GSE1: variants seen among roughly 807,000 people sequenced by gnomAD.
GSE1 encodes the protein genetic suppressor element 1.
A neutral mutation model predicts 112.6 loss-of-function variants in GSE1; 32 were observed. The observed-to-expected ratio is 0.28, with a 90% confidence interval of 0.21 to 0.38. The LOEUF is 0.38. Among genes scored for constraint, GSE1 ranks in the 10% least tolerant of loss-of-function variants. The pLI is 1.00. For missense variants in GSE1, 2,348 were observed against 1,699.2 expected, an observed-to-expected ratio of 1.38 and a Z score of -6.71; for synonymous variants, 1,115 against 735.6, an observed-to-expected ratio of 1.52 and a Z score of -8.35.
intron 2 of GSE1, among the ~76,000 whole-genome samples, chr16:85,432,577 G>A (rs1324236292): frequency 2.6e-5 from 4 of 152,224 alleles, no homozygotes; most frequent in African/African-American, 4.8e-5. Context: ...GTTGCACGTC[G>A]TGGCAGGTGT....
At chr16:85,331,596 T>C (rs867889454) in intron 1 of GSE1, among the ~76,000 whole-genome samples, 20 of 129,046 alleles carry the variant, frequency 1.5e-4, no homozygotes, top group East Asian at 4.5e-4. Context: ...TATATGTGTA[T>C]ATGTGTATTT....
At chr16:85,391,736 A>T (rs752626047) in intron 2 of GSE1, among the ~76,000 whole-genome samples, 1 of 152,148 alleles carries the variant, frequency 6.6e-6, no homozygotes, top group Non-Finnish European at 1.5e-5. Context: ...GGGGGTGGGG[A>T]CATTATTCAA....
chr16:85,620,960 G>T (rs2048697407), intron 1 of GSE1, among the ~76,000 whole-genome samples: 2 of 151,548 alleles, frequency 1.3e-5, no homozygotes, highest in African/African-American at 4.9e-5. Context: ...TGCTGTGTTG[G>T]GGAACCCGTG....
chr16:85,421,986 G>A (rs1234840965), intron 2 of GSE1, among the ~76,000 whole-genome samples: 2 of 152,134 alleles, frequency 1.3e-5, no homozygotes, highest in African/African-American at 2.4e-5. Flanking sequence ...TGTGATCATT[G>A]TCTTTCCGGG....
chr16:85,654,907 C>G lies in GSE1; in HGVS notation c.713C>G (p.Pro238Arg). 1 of 1,611,852 alleles carries G rather than the reference C, an allele frequency of 6.2e-7. No homozygotes were observed. The highest frequency in any genetic ancestry group is 2.2e-5 in the East Asian group (1 of 44,858). Residue 238 changes from proline (P) to arginine (R), a missense_variant, in exon 5 of 16, where the codon CCC becomes CGC. By Grantham distance (103) the Pro-to-Arg change is moderately radical. Coordinates refer to ENST00000253458, the MANE Select transcript of GSE1 (RefSeq NM_014615.5). ...GACCTCCGCATGTCCTCACTGCCTCCCCTCGGCCTGGACCCGGCCACTGCT... is the reference window on the plus strand; with the variant it reads ...GACCTCCGCATGTCCTCACTGCCTCGCCTCGGCCTGGACCCGGCCACTGCT... ...TDDLRMSSLP[P>R]LGLDPATAAA...
chr16:85,420,571 G>A lies in GSE1; in HGVS notation c.2464+62928G>A, dbSNP rs141735521. Among the ~76,000 whole-genome samples the A allele has an allele frequency of 4.9e-3, 753 of 152,232 alleles. 13 individuals carry two copies. Among genetic ancestry groups the A allele is most frequent in the African/African-American group, 0.017 (715 of 41,526 alleles). On this transcript the variant is annotated intron_variant, in intron 2 of 2. Coordinates refer to the GSE1 transcript ENST00000637419. ...CTCAGGGCCCATGTGCCTCCTTTGT[G>A]TCACCACCATGCGTCCTCCAGTGAC...
At chr16:85,179,585 TC>T (rs1354106843) in intron 1 of GSE1, among the ~76,000 whole-genome samples, 5 of 152,220 alleles carry the variant, frequency 3.3e-5, no homozygotes, top group Admixed American at 3.3e-4. Context: ...TTGGGGGTTT[TC>T]AGCAGGCAAA....
At chr16:85,554,721 C>T (rs1567583505), upstream of GSE1, among the ~76,000 whole-genome samples, 1 of 151,288 alleles carries the variant, frequency 6.6e-6, no homozygotes, top group Non-Finnish European at 1.5e-5. Flanking sequence ...TTTGGGGATT[C>T]TCCTCCCGGG....
chr16:85,231,962 C>T (rs1904290700), intron 1 of GSE1, among the ~76,000 whole-genome samples: 1 of 152,210 alleles, frequency 6.6e-6, no homozygotes, highest in Non-Finnish European at 1.5e-5. Flanking sequence ...TTTCTGACCG[C>T]CATGAATGCC....
chr16:85,250,331 C>T (rs527294546), intron 1 of GSE1, among the ~76,000 whole-genome samples: 4 of 152,354 alleles, frequency 2.6e-5, no homozygotes, highest in South Asian at 2.1e-4. Context: ...CACCCCCTCT[C>T]GCCCAGCCCC....
rs552170198 is a variant in GSE1, at chr16:85,672,569, A to G, written c.*30A>G. ...TTCCCTTGCACTAGGCCGAACCTAT[A>G]GTATAGAAATATTATCTATTTTATT... On this transcript the variant is annotated 3_prime_UTR_variant, in exon 16 of 16. Transcript: ENST00000253458. The G allele has an allele frequency of 2.0e-6, 3 of 1,485,684 alleles. No individual in the cohort carries two copies. Among genetic ancestry groups the G allele is most frequent in the Non-Finnish European group, 2.7e-6 (3 of 1,091,912 alleles). The allele number at this position is 1,485,684 out of a possible 1,614,324, so 92.0% of individuals were successfully genotyped here. A position where few individuals can be genotyped will look rare whatever the true frequency, so the allele number is the denominator to read the frequency against.
intron 1 of GSE1, among the ~76,000 whole-genome samples, chr16:85,626,832 G>A (rs890055586): frequency 1.3e-5 from 2 of 152,018 alleles, no homozygotes; most frequent in Non-Finnish European, 2.9e-5. Flanking sequence ...CTCGTGGGGA[G>A]GGGGAGCGAG....
chr16:85,294,080 A>G (rs1332963804), intron 1 of GSE1, among the ~76,000 whole-genome samples: 2 of 152,202 alleles, frequency 1.3e-5, no homozygotes, highest in Admixed American at 1.3e-4. Context: ...AAACACCGGC[A>G]AAGACTCCAG....
At chr16:85,411,745 C>T (rs1339798489) in intron 2 of GSE1, among the ~76,000 whole-genome samples, 5 of 55,688 alleles carry the variant, frequency 9.0e-5, no homozygotes, top group Non-Finnish European at 1.4e-4. Context: ...CAGGGCCCCC[C>T]GGATAATCCT....
Position 85,663,077 on chromosome 16 carries a change from T to G in GSE1, c.2357T>G (p.Leu786Arg), listed in dbSNP as rs1424380430. ...GTGGCCGAGCAGCCGCCCCTCAAACTGGACACGTCCTCTGAGGTACTGGGC... is the reference window on the plus strand; with the variant it reads ...GTGGCCGAGCAGCCGCCCCTCAAACGGGACACGTCCTCTGAGGTACTGGGC... ...RCVAEQPPLKLDTSSEKLEFL... is the reference protein window; with the variant it reads ...RCVAEQPPLKRDTSSEKLEFL... The change falls in exon 10 of 16, where the codon CTG (leucine) becomes CGG (arginine). Residue 786 changes from leucine (L) to arginine (R), a missense_variant. By Grantham distance (102) the Leu-to-Arg change is moderately radical. Coordinates refer to ENST00000253458, the MANE Select transcript of GSE1 (RefSeq NM_014615.5). 3.7e-6 allele frequency: 6 copies of G among 1,608,918 alleles called. No homozygotes were observed. The highest frequency in any genetic ancestry group is 5.1e-6 in the Non-Finnish European group (6 of 1,176,286).
At chr16:85,501,994 C>T (rs932009858) in intron 2 of GSE1, among the ~76,000 whole-genome samples, 2 of 152,182 alleles carry the variant, frequency 1.3e-5, no homozygotes, top group Non-Finnish European at 2.9e-5. Context: ...ACAGGAGGCT[C>T]AGCCGGGGAG....
intron 1 of GSE1, among the ~76,000 whole-genome samples, chr16:85,189,120 C>G (rs1042456055): frequency 5.9e-5 from 9 of 152,210 alleles, no homozygotes; most frequent in Admixed American, 6.5e-5. Flanking sequence ...TTGACACATG[C>G]TCTTTCTTTC....
intron 1 of GSE1, among the ~76,000 whole-genome samples, chr16:85,620,123 A>G (rs2048637670): frequency 6.6e-6 from 1 of 152,102 alleles, no homozygotes; most frequent in African/African-American, 2.4e-5. Flanking sequence ...AAATAAAAAT[A>G]AAAATAAAAA....
intron 1 of GSE1, among the ~76,000 whole-genome samples, chr16:85,265,527 C>G (rs970796801): frequency 1.3e-5 from 2 of 152,184 alleles, no homozygotes; most frequent in Non-Finnish European, 2.9e-5. Context: ...TATCTCATAA[C>G]TGGGCAGACC....
Sources: gnomAD v4.1 joint callset for allele counts (sites outside exome capture counted in the v4.1 genomes callset) on GRCh38, gnomAD v4.1.1 for gene constraint, MANE v1.5 for transcripts, NCBI Gene and HGNC (gene_info 2026-07-23, HGNC 2026-07-21) for gene names.